The following DNAH3 variants were observed in gnomAD, a reference collection of about 807,000 sequenced individuals.
DNAH3 encodes the protein axonemal beta dynein heavy chain 3.
DNAH3 carries 332 observed loss-of-function variants against 432.5 expected under a neutral mutation model. The ratio of observed to expected loss-of-function variants is 0.77; its 90% CI spans 0.70 to 0.84. The LOEUF is 0.84. Ranked by LOEUF, DNAH3 falls within the 40% of genes least tolerant of loss-of-function variation. DNAH3 has a pLI of 0.00. For synonymous variants in DNAH3, 1,956 were observed against 1,900.2 expected, an observed-to-expected ratio of 1.03 and a Z score of -0.76; for missense variants, 4,861 against 5,114.0, an observed-to-expected ratio of 0.95 and a Z score of 1.51.
intron 44 of DNAH3, among the ~76,000 whole-genome samples, chr16:20,995,314 A>G (rs2086717048): frequency 6.6e-6 from 1 of 151,854 alleles, no homozygotes; most frequent in Non-Finnish European, 1.5e-5. Context: ...GCTCACTGCA[A>G]CCTCTGCCTC....
exon 25 of DNAH3, chr16:21,062,643 A>G (rs1438182010): frequency 6.2e-7 from 1 of 1,614,036 alleles, no homozygotes; most frequent in South Asian, 1.1e-5. Flanking sequence ...TTTGTCTCGG[A>G]CAAGATTTCC....
chr16:21,141,320 T>C (rs1597477672), exon 4 of DNAH3: 1 of 1,591,096 alleles, frequency 6.3e-7, no homozygotes. Context: ...CCTCTTTGTT[T>C]CTGGAGGAAA....
Position 21,152,614 on chromosome 16 carries a change from A to C in DNAH3, c.118-6526T>G, listed in dbSNP as rs931423671. Among the ~76,000 whole-genome samples, 3 of 152,346 alleles carry C rather than the reference A, an allele frequency of 2.0e-5. No individual in the cohort carries two copies. In the South Asian group the frequency reaches 6.2e-4, roughly 32 times the overall value. On this transcript the variant is annotated intron_variant, in intron 1 of 61. Coordinates refer to ENST00000261383, the Ensembl canonical transcript of DNAH3. Reference sequence around the variant, plus strand: ...GTGTGGAGGGAGAGGCGCGAGCGGGAACCCGGGCTGCGCACGGCGCTTGCG... The same window carrying C: ...GTGTGGAGGGAGAGGCGCGAGCGGGCACCCGGGCTGCGCACGGCGCTTGCG...
intron 31 of DNAH3, among the ~76,000 whole-genome samples, chr16:21,045,654 T>A (rs986703301): frequency 2.0e-4 from 29 of 148,686 alleles, no homozygotes; most frequent in Non-Finnish European, 3.2e-4. Flanking sequence ...TTTTGAAGGG[T>A]TTTTTGTGTC....
intron 43 of DNAH3, among the ~76,000 whole-genome samples, chr16:20,998,889 T>A (rs1453913831): frequency 6.6e-6 from 1 of 152,144 alleles, no homozygotes; most frequent in African/African-American, 2.4e-5. Flanking sequence ...ATAAGGAAGA[T>A]AGTATTAACT....
intron 9 of DNAH3, among the ~76,000 whole-genome samples, chr16:21,124,974 T>TGA (rs1326680631): frequency 1.3e-5 from 2 of 152,110 alleles, no homozygotes; most frequent in African/African-American, 4.8e-5. Context: ...TGTGTGTGTG[T>TGA]GTGTTGGGAA....
chr16:21,008,203 GTCTC>G lies in DNAH3; in HGVS notation c.6023-5000_6023-4997del, dbSNP rs148269667. ...TAAACATTCTCTCTCTCTCTCCTCT[GTCTC>G]TCTCTCTCTCTGATGTGTGCATGAT... is the stretch of plus-strand genomic sequence containing the variant. On this transcript the variant is annotated intron_variant, in intron 41 of 61. Transcript: ENST00000261383. Among the ~76,000 whole-genome samples, 7 of 150,384 alleles carry G rather than the reference GTCTC, an allele frequency of 4.7e-5. No individual in the cohort carries two copies. In the East Asian group the frequency reaches 5.8e-4, roughly 13 times the overall value.
At chr16:21,110,818 C>A (rs552671874) in intron 14 of DNAH3, among the ~76,000 whole-genome samples, 52 of 152,112 alleles carry the variant, frequency 3.4e-4, no homozygotes, top group Non-Finnish European at 6.0e-4. Flanking sequence ...CTGCCATGAG[C>A]TATGATCGCG....
chr16:20,959,769 G>A (rs544686472), intron 53 of DNAH3, among the ~76,000 whole-genome samples: 27 of 152,264 alleles, frequency 1.8e-4, no homozygotes, highest in African/African-American at 6.3e-4. Context: ...CATCAGATCA[G>A]ATGGCAGATG....
chr16:21,005,151 T>TCTTC (rs1334225137), intron 41 of DNAH3, among the ~76,000 whole-genome samples: 2 of 114,790 alleles, frequency 1.7e-5, no homozygotes, highest in African/African-American at 4.1e-5. Context: ...TTCTCTCGTC[T>TCTTC]CTTTCTTTTC....
intron 18 of DNAH3, among the ~76,000 whole-genome samples, chr16:21,092,478 T>C (rs2152785876): frequency 6.6e-6 from 1 of 151,964 alleles, no homozygotes; most frequent in East Asian, 1.9e-4. Flanking sequence ...TAACTCAAAA[T>C]GGATCATAGA....
chr16:21,158,925 CG>C (rs1299313403), intron 1 of DNAH3, among the ~76,000 whole-genome samples: 1 of 151,960 alleles, frequency 6.6e-6, no homozygotes. Flanking sequence ...TATGAGTCGC[CG>C]GGACGGGGCT....
intron 10 of DNAH3, chr16:21,121,067 C>A: frequency 3.0e-6 from 2 of 669,956 alleles, no homozygotes; most frequent in Non-Finnish European, 5.5e-6. Flanking sequence ...ATTCGTTTCA[C>A]ATGAGCAAGG....
At chr16:20,938,394 T>TG (rs2152565956) in intron 59 of DNAH3, among the ~76,000 whole-genome samples, 2 of 143,350 alleles carry the variant, frequency 1.4e-5, no homozygotes, top group Admixed American at 1.4e-4. Flanking sequence ...CTGTCTCAAT[T>TG]AAAAAAAAAA....
rs1210733444 is a variant in DNAH3 at position 20,936,689 on chromosome 16, C to A, written c.11819G>T (p.Gly3940Val). Residue 3940 changes from glycine to valine, a missense_variant, in exon 60 of 62, where the codon GGC (glycine) becomes GTC (valine). Gly to Val is a moderately radical substitution (Grantham distance 109). Transcript: ENST00000261383. ...GCGGGCCAGCAGGTCAGCCACGTAGCCCCCCAGAGGCTTCAGTGATGGGTA... is the reference window on the plus strand; with the variant it reads ...GCGGGCCAGCAGGTCAGCCACGTAGACCCCCAGAGGCTTCAGTGATGGGTA... 10 of 1,606,264 alleles carry A rather than the reference C, an allele frequency of 6.2e-6. No homozygotes were observed. The highest frequency in any genetic ancestry group is 2.7e-5 in the African/African-American group (2 of 74,758).
chr16:20,992,659 C>T (rs370795901), intron 44 of DNAH3, among the ~76,000 whole-genome samples: 3 of 152,050 alleles, frequency 2.0e-5, no homozygotes, highest in East Asian at 1.9e-4. Context: ...TATTTCTTAC[C>T]CCAGCAGACA....
chr16:21,008,897 T>A (rs1411917867), intron 41 of DNAH3, among the ~76,000 whole-genome samples: 1 of 152,360 alleles, frequency 6.6e-6, no homozygotes, highest in East Asian at 1.9e-4. Context: ...GGGTACTTTT[T>A]AGGATTAAAA....
At position 21,044,752 on chromosome 16, in the gene DNAH3, A is replaced by C. The variant is rs1419008605; in HGVS notation, c.4462-2549T>G. Among the ~76,000 whole-genome samples, 29 of 93,110 alleles carry C rather than the reference A, an allele frequency of 3.1e-4. 1 individual carries two copies. The highest frequency in any genetic ancestry group is 4.2e-5 in the Non-Finnish European group (2 of 47,430). 61.1% of individuals were successfully genotyped at this position (93,110 alleles called of 152,430 possible). A position where few individuals can be genotyped will look rare whatever the true frequency, so the allele number is the denominator to read the frequency against. ...AGAGAGGGCATCCCTGTCTTGTGCC[A>C]GTTTTCAAAGGGAATGCTTCCAGTT... is the stretch of plus-strand genomic sequence containing the variant. On this transcript the variant is annotated intron_variant, in intron 31 of 61. Coordinates refer to ENST00000261383, the Ensembl canonical transcript of DNAH3.
At chr16:21,067,325 C>T (rs765723087) in exon 24 of DNAH3, 24 of 1,614,000 alleles carry the variant, frequency 1.5e-5, no homozygotes, top group Non-Finnish European at 1.9e-5. Context: ...ATCATTCAGC[C>T]CTTTCTGGAT....
Sources: gnomAD v4.1 joint callset for allele counts (sites outside exome capture counted in the v4.1 genomes callset) on GRCh38, gnomAD v4.1.1 for gene constraint, MANE v1.5 for transcripts, NCBI Gene and HGNC (gene_info 2026-07-23, HGNC 2026-07-21) for gene names.